The following NEDD4 variants were observed in gnomAD, a reference collection of about 807,000 sequenced individuals.
NEDD4 encodes the protein NEDD4 E3 ubiquitin protein ligase.
A neutral mutation model predicts 144.9 loss-of-function variants in NEDD4; 99 were observed. The ratio of observed to expected loss-of-function variants is 0.68; its 90% CI spans 0.58 to 0.81. The LOEUF (loss-of-function observed/expected upper bound fraction) is 0.81, where lower values mean the gene tolerates loss of function less well. NEDD4 is among the 30% of genes least tolerant of loss of function. The pLI, the probability that NEDD4 is intolerant of heterozygous loss-of-function variation, is 0.00. For synonymous variants in NEDD4, 318 were observed against 350.6 expected (o/e 0.91, Z 1.04); for missense variants, 985 against 1,065.9 (o/e 0.92, Z 1.06).
chr15:55,827,622 G>C lies in NEDD4; in HGVS notation c.*2275C>G, dbSNP rs112643396. 6.6e-6 allele frequency: 1 copy of C among 152,252 alleles called. No individual in the cohort carries two copies. The highest frequency in any genetic ancestry group is 2.4e-5 in the African/African-American group (1 of 41,554). The allele number at this position is 152,252 out of a possible 1,614,324, so 9.4% of individuals were successfully genotyped here. ...TTTCACATTCCATTCTACATAATGA[G>C]GACATTTCCAAAATGCATTGGCCCA... On this transcript the variant is annotated 3_prime_UTR_variant, in exon 29 of 29. Coordinates refer to ENST00000435532, the MANE Select transcript of NEDD4 (RefSeq NM_006154.4).
In NEDD4 at chr15:55,931,922, C is replaced by T. The variant is rs149846819; in HGVS notation, c.238-7223G>A. ...ACAGACACTCCCCATTTTCCCTCAA[C>T]CTTCCCAGGAAACCACTAATCTACT... On this transcript the variant is annotated intron_variant, in intron 4 of 28. Transcript: ENST00000435532. Among the ~76,000 whole-genome samples, 22 of 152,302 alleles carry T rather than the reference C, an allele frequency of 1.4e-4. No individual in the cohort carries two copies. In the East Asian group the frequency reaches 4.2e-3, roughly 29 times the overall value.
intron 1 of NEDD4, among the ~76,000 whole-genome samples, chr15:55,971,470 C>T (rs541608777): frequency 3.9e-5 from 6 of 151,930 alleles, no homozygotes; most frequent in Admixed American, 3.3e-4. Flanking sequence ...ACTAAAAATA[C>T]AAAAATTAGC....
intron 24 of NEDD4, among the ~76,000 whole-genome samples, chr15:55,834,708 C>T (rs568730379): frequency 5.9e-5 from 9 of 152,002 alleles, no homozygotes; most frequent in Non-Finnish European, 1.0e-4. Flanking sequence ...ATTCCAGCCT[C>T]GGCAAAAAGT....
intron 5 of NEDD4, among the ~76,000 whole-genome samples, chr15:55,909,422 T>C (rs557041839): frequency 6.6e-6 from 1 of 152,346 alleles, no homozygotes; most frequent in South Asian, 2.1e-4. Flanking sequence ...ACTGTATCTC[T>C]AAGTATCTGT....
chr15:55,908,691 A>T (rs1288799439), intron 5 of NEDD4, among the ~76,000 whole-genome samples: 11 of 152,320 alleles, frequency 7.2e-5, no homozygotes, highest in African/African-American at 2.6e-4. Context: ...TTTAAAAATC[A>T]CTGGCCCAGC....
intron 11 of NEDD4, among the ~76,000 whole-genome samples, chr15:55,858,884 C>A (rs1360094159): frequency 6.6e-6 from 1 of 152,084 alleles, no homozygotes; most frequent in Non-Finnish European, 1.5e-5. Flanking sequence ...CAGATGATGT[C>A]GTGTGAAAGC....
chr15:55,864,961 G>C (rs1166959729), intron 8 of NEDD4, among the ~76,000 whole-genome samples: 1 of 151,980 alleles, frequency 6.6e-6, no homozygotes, highest in Non-Finnish European at 1.5e-5. Context: ...ACTTTGGGAA[G>C]CTGAGGTGAG....
At chr15:55,993,237 C>T (rs1364857119) in intron 1 of NEDD4, among the ~76,000 whole-genome samples, 5 of 152,206 alleles carry the variant, frequency 3.3e-5, no homozygotes, top group Non-Finnish European at 5.9e-5. Flanking sequence ...CTCCTCAACA[C>T]TTCCTGAAGG....
In NEDD4 at chr15:55,983,316, G is replaced by A. The variant is rs192116250; in HGVS notation, c.45+10195C>T. 7.0e-4 allele frequency among the ~76,000 whole-genome samples: 107 copies of A among 152,280 alleles called. 2 individuals are homozygous for A. Among genetic ancestry groups the A allele is most frequent in the African/African-American group, 2.2e-3 (91 of 41,554 alleles). ...TGTGTGTGTGCGTGCGCGCGCGTGC[G>A]TGCATTTGATTTCCATGCTACTTGG... is the stretch of plus-strand genomic sequence containing the variant. On this transcript the variant is annotated intron_variant, in intron 1 of 28. Transcript: ENST00000435532.
intron 8 of NEDD4, 135 bp downstream of exon 8, chr15:55,869,444 T>C (rs2034695532): frequency 3.4e-6 from 2 of 588,266 alleles, no homozygotes; most frequent in African/African-American, 1.9e-5. Flanking sequence ...TATTAATGCT[T>C]GGGTGAAATA....
At chr15:55,857,558 T>C (rs910474466) in intron 11 of NEDD4, among the ~76,000 whole-genome samples, 1 of 152,052 alleles carries the variant, frequency 6.6e-6, no homozygotes, top group Admixed American at 6.6e-5. Flanking sequence ...CCTAACCTCA[T>C]GTGATCTGCC....
chr15:55,969,012 C>T (rs2037563234), intron 1 of NEDD4, among the ~76,000 whole-genome samples: 1 of 152,136 alleles, frequency 6.6e-6, no homozygotes, highest in Non-Finnish European at 1.5e-5. Flanking sequence ...AACATCGTAT[C>T]AAGGAAAGAG....
chr15:55,988,487 TAA>T (rs56688563), intron 1 of NEDD4, among the ~76,000 whole-genome samples: 10,070 of 101,718 alleles, frequency 0.099, 393 homozygotes, highest in Non-Finnish European at 0.12. Flanking sequence ...AAAAAAAAAT[TAA>T]AAAAAAAAAA....
At chr15:55,918,731 A>T (rs17819300) in intron 5 of NEDD4, among the ~76,000 whole-genome samples, 3 of 152,156 alleles carry the variant, frequency 2.0e-5, no homozygotes, top group South Asian at 4.1e-4. Context: ...TTGAATGCGT[A>T]CAATAGTTGA....
At chr15:55,951,937 G>A (rs2037248128) in intron 2 of NEDD4, among the ~76,000 whole-genome samples, 1 of 151,688 alleles carries the variant, frequency 6.6e-6, no homozygotes, top group Non-Finnish European at 1.5e-5. Context: ...TTCTGACGCT[G>A]GTTTTGTAAG....
chr15:55,962,236 G>A (rs189018110), intron 2 of NEDD4, among the ~76,000 whole-genome samples: 16 of 152,124 alleles, frequency 1.1e-4, no homozygotes, highest in East Asian at 5.8e-4. Flanking sequence ...ATCTTTTTGC[G>A]TCCGCTTTCT....
intron 24 of NEDD4, among the ~76,000 whole-genome samples, chr15:55,836,368 A>ACG (rs1441831507): frequency 9.5e-6 from 1 of 105,622 alleles, no homozygotes; most frequent in African/African-American, 3.5e-5. Flanking sequence ...ACACACACAC[A>ACG]CACACTTTAG....
intron 13 of NEDD4, 56 bp from the exon 14 acceptor site, chr15:55,850,798 AT>A: frequency 6.7e-7 from 1 of 1,490,784 alleles, no homozygotes; most frequent in East Asian, 2.4e-5. Flanking sequence ...TCACAAATAG[AT>A]GTAGTTAAAA....
At chr15:55,951,467 A>G (rs2037237289) in intron 3 of NEDD4, 44 bp downstream of exon 3, 1 of 1,412,500 alleles carries the variant, frequency 7.1e-7, no homozygotes, top group East Asian at 2.5e-5. Context: ...TTATAAAAAT[A>G]AAACAAAGTA....
Sources: gnomAD v4.1 joint callset for allele counts (sites outside exome capture counted in the v4.1 genomes callset) on GRCh38, gnomAD v4.1.1 for gene constraint, MANE v1.5 for transcripts, NCBI Gene and HGNC (gene_info 2026-07-23, HGNC 2026-07-21) for gene names.